PARP15: variants seen among roughly 807,000 people sequenced by gnomAD.
PARP15 encodes protein mono-ADP-ribosyltransferase PARP15.
Under a neutral mutation model 62.1 loss-of-function variants are expected in PARP15, and 50 were observed. The observed-to-expected ratio is 0.81, with a 90% CI of 0.64 to 1.02. The LOEUF (loss-of-function observed/expected upper bound fraction) is 1.02. Ranked by LOEUF, PARP15 falls within the 50% of genes least tolerant of loss-of-function variation. PARP15 has a pLI of 0.00. For missense variants in PARP15, 820 were observed against 826.5 expected, an observed-to-expected ratio of 0.99 and a Z score of 0.10; for synonymous variants, 309 against 293.1, an observed-to-expected ratio of 1.05 and a Z score of -0.55.
intron 6 of PARP15, among the ~76,000 whole-genome samples, chr3:122,619,414 T>C (rs1936193202): frequency 6.6e-6 from 1 of 152,246 alleles, no homozygotes; most frequent in Non-Finnish European, 1.5e-5. Flanking sequence ...TTGATTTTAT[T>C]ACAGTTTTGA....
At chr3:122,633,696 A>T (rs904018485) in intron 10 of PARP15, among the ~76,000 whole-genome samples, 1 of 152,196 alleles carries the variant, frequency 6.6e-6, no homozygotes, top group African/African-American at 2.4e-5. Context: ...GTACTATGTC[A>T]TTTTATGTCA....
chr3:122,615,980 A>G, intron 5 of PARP15, 123 bp downstream of exon 5: 1 of 914,308 alleles, frequency 1.1e-6, no homozygotes, highest in Admixed American at 2.5e-5. Context: ...GTGATGGGGG[A>G]GGTGTTAGAG....
Position 122,635,985 on chromosome 3 carries a change from A to G in PARP15, c.1922A>G (p.His641Arg). The G allele has an allele frequency of 6.2e-7, 1 of 1,614,128 alleles. No individual in the cohort carries two copies. Among genetic ancestry groups the G allele is most frequent in the Non-Finnish European group, 8.5e-7 (1 of 1,180,008 alleles). Residue 641 changes from histidine to arginine, a missense_variant, in exon 12 of 12, where the codon CAC (histidine) becomes CGC (arginine). Physicochemically the swap from His to Arg is conservative, Grantham distance 29. Coordinates refer to ENST00000464300, the MANE Select transcript of PARP15 (RefSeq NM_001113523.3). Reference sequence around the variant, plus strand: ...GTCACCCCTCCACCCAAGAATCCTCACAATCCCACAGATCTCTTTGACTCA... The same window carrying G: ...GTCACCCCTCCACCCAAGAATCCTCGCAATCCCACAGATCTCTTTGACTCA... ...GLVTPPPKNP[H>R]NPTDLFDSVT...
rs138586691 is a variant in PARP15 at position 122,595,853 on chromosome 3, C to T, written c.187-10083C>T. Among the ~76,000 whole-genome samples, 535 of 151,986 alleles carry T rather than the reference C, an allele frequency of 3.5e-3. 5 individuals are homozygous for T. Among genetic ancestry groups the T allele is most frequent in the African/African-American group, 0.013 (520 of 41,498 alleles). ...GGCTTGGCTGCTCATTTTTATTCTT[C>T]TTTTCTCATTCCTCTTCTTTCCTCC... is the stretch of plus-strand genomic sequence containing the variant. On this transcript the variant is annotated intron_variant, in intron 1 of 11. Transcript: ENST00000464300.
intron 2 of PARP15, among the ~76,000 whole-genome samples, chr3:122,606,837 C>T (rs1019239280): frequency 6.6e-6 from 1 of 152,196 alleles, no homozygotes; most frequent in Admixed American, 6.5e-5. Flanking sequence ...ACCATTTGGA[C>T]ACCTGATGTT....
chr3:122,613,181 C>A lies in PARP15; in HGVS notation c.684C>A (p.Phe228Leu). Residue 228 changes from phenylalanine (F) to leucine (L), a missense_variant, in exon 4 of 12, where the codon TTC (phenylalanine) becomes TTA (leucine). Phe to Leu is a conservative substitution (Grantham distance 22). This residue lies in a region of PARP15 where 731 missense variants were observed against 727.7 expected (regional missense o/e 1.00). Transcript: ENST00000464300. ...VFAKLILSEVFEYSSSTRPIT... is the reference protein window; with the variant it reads ...VFAKLILSEVLEYSSSTRPIT... Reference sequence around the variant, plus strand: ...CTAAACTAATCCTTTCAGAAGTGTTCGAATACAGTAGCAGCACAAGGCCGA... The same window carrying A: ...CTAAACTAATCCTTTCAGAAGTGTTAGAATACAGTAGCAGCACAAGGCCGA... 1 of 1,551,668 alleles carries A rather than the reference C, an allele frequency of 6.4e-7. No homozygotes were observed. Among genetic ancestry groups the A allele is most frequent in the South Asian group, 1.2e-5 (1 of 84,040 alleles).
At chr3:122,608,247 T>C (rs147042280) in intron 2 of PARP15, among the ~76,000 whole-genome samples, 2,281 of 149,500 alleles carry the variant, frequency 0.015, 64 homozygotes, top group African/African-American at 0.051. Flanking sequence ...TACTGAGTCT[T>C]GCTCTGTCGC....
At chr3:122,628,440 G>A (rs1203450321) in intron 9 of PARP15, among the ~76,000 whole-genome samples, 1 of 152,130 alleles carries the variant, frequency 6.6e-6, no homozygotes, top group Non-Finnish European at 1.5e-5. Context: ...AAAATAGTAT[G>A]TACCTACTAT....
At chr3:122,598,759 C>T (rs1232933341) in intron 1 of PARP15, among the ~76,000 whole-genome samples, 1 of 152,224 alleles carries the variant, frequency 6.6e-6, no homozygotes, top group Non-Finnish European at 1.5e-5. Context: ...CTTACTTTCA[C>T]TATCCAAGAA....
At chr3:122,583,112 A>G (rs1576470864) in intron 1 of PARP15, among the ~76,000 whole-genome samples, 1 of 84,320 alleles carries the variant, frequency 1.2e-5, no homozygotes, top group Non-Finnish European at 2.4e-5. Context: ...TATCATCTGT[A>G]TCTTTTTTTT....
chr3:122,579,724 A>G (rs1194170554), intron 1 of PARP15, among the ~76,000 whole-genome samples: 1 of 151,938 alleles, frequency 6.6e-6, no homozygotes, highest in East Asian at 1.9e-4. Flanking sequence ...CACGCCTGTA[A>G]TCCCAGCACT....
chr3:122,629,759 T>G (rs12630442), intron 9 of PARP15, among the ~76,000 whole-genome samples: 20,827 of 151,734 alleles, frequency 0.14, 1,967 homozygotes, highest in East Asian at 0.48. Flanking sequence ...CATCTGGGGG[T>G]GATGGGAGAC....
intron 1 of PARP15, among the ~76,000 whole-genome samples, chr3:122,595,814 T>C (rs1218095509): frequency 6.6e-6 from 1 of 152,164 alleles, no homozygotes; most frequent in Non-Finnish European, 1.5e-5. Context: ...ATTACAGGCA[T>C]GAGCCACCAC....
intron 8 of PARP15, among the ~76,000 whole-genome samples, chr3:122,625,916 A>G (rs1024532840): frequency 3.9e-5 from 6 of 152,198 alleles, no homozygotes; most frequent in Non-Finnish European, 8.8e-5. Flanking sequence ...TCCAGATCAC[A>G]TGTTCTTATT....
At chr3:122,621,401 T>C in intron 7 of PARP15, 43 bp from the exon 8 acceptor site, 1 of 1,546,380 alleles carries the variant, frequency 6.5e-7, no homozygotes, top group South Asian at 1.3e-5. Flanking sequence ...TTGCCTCCAG[T>C]AATTAATGGG....
intron 1 of PARP15, among the ~76,000 whole-genome samples, chr3:122,596,327 GCCTGGCAACAGAGCGAGACT>G (rs753028355): frequency 1.3e-4 from 16 of 119,066 alleles, no homozygotes; most frequent in Non-Finnish European, 1.8e-4. Context: ...CTGTACTCCA[GCCTGGCAACAGAGCGAGACT>G]CCATCTCAAA....
At chr3:122,603,957 C>T (rs1447894572) in intron 1 of PARP15, among the ~76,000 whole-genome samples, 2 of 152,228 alleles carry the variant, frequency 1.3e-5, no homozygotes, top group Admixed American at 6.5e-5. Context: ...TAATTGTTGC[C>T]TGGAGCTCTG....
chr3:122,585,283 G>A (rs181005495), intron 1 of PARP15, among the ~76,000 whole-genome samples: 72 of 152,340 alleles, frequency 4.7e-4, no homozygotes, highest in Middle Eastern at 6.8e-3. Flanking sequence ...GGAGGTCAAA[G>A]CTGCAGAGAG....
chr3:122,611,141 C>T (rs560935297), intron 3 of PARP15, among the ~76,000 whole-genome samples: 1 of 152,090 alleles, frequency 6.6e-6, no homozygotes, highest in East Asian at 1.9e-4. Flanking sequence ...AGAGGTGCGC[C>T]CAGCACTGTG....
Sources: allele counts gnomAD v4.1 joint callset (sites outside exome capture counted in the v4.1 genomes callset), GRCh38; gene constraint gnomAD v4.1.1; regional missense constraint gnomAD v4.1.1; transcripts MANE v1.5; gene names NCBI Gene and HGNC (gene_info 2026-07-23, HGNC 2026-07-21).